PTPRD: variants seen among roughly 807,000 people sequenced by gnomAD.
The protein encoded by PTPRD is receptor-type tyrosine-protein phosphatase delta.
Under a neutral mutation model 214.5 loss-of-function variants are expected in PTPRD, and 34 were observed. The observed-to-expected ratio is 0.16, with a 90% CI of 0.12 to 0.21. PTPRD has a LOEUF of 0.21. PTPRD is among the 10% of genes least tolerant of loss of function. The pLI is 1.00. For missense variants in PTPRD, 2,545 were observed against 2,398.7 expected, an observed-to-expected ratio of 1.06 and a Z score of -1.27; for synonymous variants, 1,128 against 845.7, an observed-to-expected ratio of 1.33 and a Z score of -5.79.
rs1028564066 is a variant in PTPRD, at chr9:10,148,844, T to A, written c.-544-115054A>T. 1.3e-4 allele frequency among the ~76,000 whole-genome samples: 20 copies of A among 152,316 alleles called. No individual in the cohort carries two copies. In the East Asian group the frequency reaches 3.7e-3, roughly 28 times the overall value. On this transcript the variant is annotated intron_variant, in intron 3 of 45. Coordinates refer to ENST00000381196, the MANE Select transcript of PTPRD (RefSeq NM_002839.4). ...GTGTGCAGCCAAGTTTGAGCCCTAC[T>A]ATCTCAGACACATTTTAAATAAGCA...
chr9:9,105,814 G>T (rs1247579780), intron 10 of PTPRD, among the ~76,000 whole-genome samples: 1 of 152,054 alleles, frequency 6.6e-6, no homozygotes, highest in Non-Finnish European at 1.5e-5. Flanking sequence ...TACCATTTTG[G>T]GGTCTGAACT....
In PTPRD at chr9:8,455,192, G is replaced by A. The variant is rs118155046; in HGVS notation, c.3875+5219C>T. On this transcript the variant is annotated intron_variant, in intron 33 of 45. Transcript: ENST00000381196. ...CTTGCCACATCTTTTTTCCCATGAAGGATTAAGTGCATCTTCAGTTTAGGA... is the reference window on the plus strand; with the variant it reads ...CTTGCCACATCTTTTTTCCCATGAAAGATTAAGTGCATCTTCAGTTTAGGA... Among the ~76,000 whole-genome samples, 715 of 152,194 alleles carry A rather than the reference G, an allele frequency of 4.7e-3. 5 individuals are homozygous for A. The highest frequency in any genetic ancestry group is 8.1e-3 in the Non-Finnish European group (554 of 67,990).
intron 7 of PTPRD, among the ~76,000 whole-genome samples, chr9:9,670,365 G>A (rs1429638937): frequency 6.6e-6 from 1 of 152,050 alleles, no homozygotes; most frequent in Non-Finnish European, 1.5e-5. Context: ...TTTTGTAAGG[G>A]GAGCAGAGCA....
chr9:9,963,783 G>C (rs1193986341), intron 4 of PTPRD, among the ~76,000 whole-genome samples: 2 of 152,122 alleles, frequency 1.3e-5, no homozygotes, highest in Non-Finnish European at 1.5e-5. Flanking sequence ...CTTCAATTTA[G>C]TTCCTGAAGG....
At chr9:10,481,413 T>G (rs2132165642) in intron 2 of PTPRD, among the ~76,000 whole-genome samples, 1 of 152,286 alleles carries the variant, frequency 6.6e-6, no homozygotes, top group Non-Finnish European at 1.5e-5. Context: ...TAAAAACATA[T>G]TCATAGATAT....
At chr9:8,766,627 G>A (rs538799823) in intron 11 of PTPRD, among the ~76,000 whole-genome samples, 1 of 152,246 alleles carries the variant, frequency 6.6e-6, no homozygotes, top group Admixed American at 6.5e-5. Context: ...ATTGCATGGT[G>A]GGAAAGGACA....
chr9:9,579,200 T>C (rs1429552773), intron 7 of PTPRD, among the ~76,000 whole-genome samples: 1 of 152,162 alleles, frequency 6.6e-6, no homozygotes, highest in Non-Finnish European at 1.5e-5. Flanking sequence ...TCTAATATCA[T>C]CTTAGTGGGC....
chr9:8,925,011 C>A (rs182415330), intron 11 of PTPRD, among the ~76,000 whole-genome samples: 1 of 152,226 alleles, frequency 6.6e-6, no homozygotes, highest in Non-Finnish European at 1.5e-5. Flanking sequence ...TCCGTAAATA[C>A]TTTGAGAAGT....
At chr9:10,451,218 A>T (rs1351407908) in intron 2 of PTPRD, among the ~76,000 whole-genome samples, 1 of 151,950 alleles carries the variant, frequency 6.6e-6, no homozygotes, top group East Asian at 1.9e-4. Flanking sequence ...CTCTATTTTG[A>T]ACAAAACACT....
intron 30 of PTPRD, among the ~76,000 whole-genome samples, chr9:8,478,963 G>A (rs1460498482): frequency 6.6e-6 from 1 of 152,158 alleles, no homozygotes; most frequent in Non-Finnish European, 1.5e-5. Context: ...CATTTTGCTT[G>A]AAAACAAATA....
At chr9:9,332,114 A>G (rs2042545170) in intron 9 of PTPRD, among the ~76,000 whole-genome samples, 1 of 152,096 alleles carries the variant, frequency 6.6e-6, no homozygotes, top group South Asian at 2.1e-4. Context: ...AGAGAGCAAT[A>G]CACAGAAAAT....
chr9:10,048,078 G>C (rs1004116312), intron 3 of PTPRD, among the ~76,000 whole-genome samples: 1 of 152,036 alleles, frequency 6.6e-6, no homozygotes, highest in African/African-American at 2.4e-5. Flanking sequence ...TCTATTTCTC[G>C]CTGCAAAGCA....
In PTPRD at chr9:10,049,441, A is replaced by AAAGAAAGAAAGAAAGAAAGAAAGAAAAG. The variant is rs1555515325; in HGVS notation, c.-544-15652_-544-15651insCTTTTCTTTCTTTCTTTCTTTCTTTCTT. Among the ~76,000 whole-genome samples, 674 of 110,878 alleles carry AAAGAAAGAAAGAAAGAAAGAAAGAAAAG rather than the reference A, an allele frequency of 6.1e-3. 3 individuals carry two copies. The highest frequency in any genetic ancestry group is 0.012 in the African/African-American group (250 of 20,082). The allele number at this position is 110,878 out of a possible 152,430, so 72.7% of individuals were successfully genotyped here. On this transcript the variant is annotated intron_variant, in intron 3 of 45. Transcript: ENST00000381196. ...AAAGAAAGAAAGAAAGAAAGAAAAGAAAAAAAAAAACCCTTCTATATGTGT... is the reference window on the plus strand; with the variant it reads ...AAAGAAAGAAAGAAAGAAAGAAAAGAAAGAAAGAAAGAAAGAAAGAAAGAAAAGAAAAAAAAAACCCTTCTATATGTGT...
intron 6 of PTPRD, among the ~76,000 whole-genome samples, chr9:9,739,446 T>C (rs1325680354): frequency 6.6e-6 from 1 of 152,224 alleles, no homozygotes; most frequent in Non-Finnish European, 1.5e-5. Context: ...CTTTGCTAAG[T>C]TGTATTTTTC....
chr9:9,739,348 A>T (rs192098419), intron 6 of PTPRD, among the ~76,000 whole-genome samples: 14 of 152,318 alleles, frequency 9.2e-5, no homozygotes, highest in Admixed American at 8.5e-4. Flanking sequence ...CACTTCTATA[A>T]GAATGTTTAT....
intron 7 of PTPRD, among the ~76,000 whole-genome samples, chr9:9,721,009 G>C (rs1460878972): frequency 6.6e-6 from 1 of 151,452 alleles, no homozygotes; most frequent in Non-Finnish European, 1.5e-5. Flanking sequence ...GAGCAAGAAG[G>C]GTACAAAAAA....
intron 3 of PTPRD, among the ~76,000 whole-genome samples, chr9:10,208,660 T>G (rs897774463): frequency 6.6e-6 from 1 of 152,258 alleles, no homozygotes; most frequent in Non-Finnish European, 1.5e-5. Flanking sequence ...CTCCCCCATT[T>G]TGTTTTAACA....
chr9:10,139,246 C>T (rs1335006682), intron 3 of PTPRD, among the ~76,000 whole-genome samples: 2 of 150,168 alleles, frequency 1.3e-5, no homozygotes, highest in Non-Finnish European at 3.0e-5. Context: ...ACAGTCAAGC[C>T]GAGAGACAAA....
intron 2 of PTPRD, among the ~76,000 whole-genome samples, chr9:10,362,306 T>A (rs1398647876): frequency 1.3e-5 from 2 of 151,476 alleles, no homozygotes; most frequent in African/African-American, 4.9e-5. Context: ...TCGGCCCCAT[T>A]GATCTTCACA....
Sources: gnomAD v4.1 joint callset for allele counts (sites outside exome capture counted in the v4.1 genomes callset) on GRCh38, gnomAD v4.1.1 for gene constraint, MANE v1.5 for transcripts, NCBI Gene and HGNC (gene_info 2026-07-23, HGNC 2026-07-21) for gene names.